Variants in ATP8A1 observed in about 807,000 individuals in gnomAD.
The protein encoded by ATP8A1 is phospholipid-transporting ATPase IA.
In ATP8A1, 90 loss-of-function variants were observed where a neutral mutation model predicts 177.7. The ratio of observed to expected loss-of-function variants is 0.51; its 90% CI spans 0.43 to 0.60. ATP8A1 has a LOEUF of 0.60. Among genes scored for constraint, ATP8A1 ranks in the 20% least tolerant of loss-of-function variants. The pLI, the probability that ATP8A1 is intolerant of heterozygous loss-of-function variation, is 0.00. For synonymous variants in ATP8A1, 493 were observed against 485.9 expected (o/e 1.01, Z -0.19); for missense variants, 1,072 against 1,392.8 (o/e 0.77, Z 3.67).
At chr4:42,583,454 G>A (rs4861204) in intron 9 of ATP8A1, among the ~76,000 whole-genome samples, 146,244 of 152,244 alleles carry the variant, frequency 0.96, 70,484 homozygotes, top group South Asian at 1. Flanking sequence ...TGGGACACAC[G>A]TGTGACAACT....
intron 27 of ATP8A1, among the ~76,000 whole-genome samples, chr4:42,459,073 C>T (rs1353200768): frequency 6.6e-6 from 1 of 152,208 alleles, no homozygotes. Flanking sequence ...TTTAAAAGGT[C>T]ATTACCAAGA....
chr4:42,469,958 T>C (rs1011959374), intron 25 of ATP8A1, among the ~76,000 whole-genome samples: 11 of 152,334 alleles, frequency 7.2e-5, no homozygotes, highest in Admixed American at 5.2e-4. Context: ...CAAATGCCAA[T>C]AGTGACTCAA....
At chr4:42,432,044 G>A (rs948174884) in intron 33 of ATP8A1, among the ~76,000 whole-genome samples, 3 of 152,000 alleles carry the variant, frequency 2.0e-5, no homozygotes, top group Admixed American at 6.6e-5. Context: ...GTATCTCTTC[G>A]GAGAAGGTGC....
At chr4:42,435,459 AAAAAC>A (rs1715862720) in intron 33 of ATP8A1, among the ~76,000 whole-genome samples, 2 of 103,280 alleles carry the variant, frequency 1.9e-5, no homozygotes, top group African/African-American at 3.3e-5. Context: ...ACAAAAAAAA[AAAAAC>A]AAACTATCTC....
intron 20 of ATP8A1, among the ~76,000 whole-genome samples, chr4:42,530,444 A>G (rs1727148212): frequency 6.6e-6 from 1 of 152,204 alleles, no homozygotes; most frequent in South Asian, 2.1e-4. Context: ...CAAGACTACC[A>G]TCTGTGGACT....
intron 33 of ATP8A1, among the ~76,000 whole-genome samples, chr4:42,428,080 A>G (rs1714831492): frequency 6.6e-6 from 1 of 152,246 alleles, no homozygotes; most frequent in Admixed American, 6.5e-5. Flanking sequence ...GATTGTAATT[A>G]TCAGAAGACT....
intron 1 of ATP8A1, among the ~76,000 whole-genome samples, chr4:42,645,471 T>A (rs1309523472): frequency 6.6e-6 from 1 of 152,206 alleles, no homozygotes; most frequent in African/African-American, 2.4e-5. Flanking sequence ...TCAATACCAC[T>A]GCACATGAGA....
intron 33 of ATP8A1, among the ~76,000 whole-genome samples, chr4:42,426,039 C>T (rs550889754): frequency 2.6e-5 from 4 of 152,328 alleles, no homozygotes; most frequent in Non-Finnish European, 5.9e-5. Context: ...AATAAACCAA[C>T]GCTGCCTGAA....
intron 17 of ATP8A1, among the ~76,000 whole-genome samples, chr4:42,551,653 T>C (rs1409514355): frequency 2.0e-5 from 3 of 152,212 alleles, no homozygotes; most frequent in African/African-American, 7.2e-5. Flanking sequence ...TCCTAAAATG[T>C]TGAGTCTAGA....
chr4:42,507,729 CAAAAAAAAAAAAAAA>C (rs34269384), intron 22 of ATP8A1, among the ~76,000 whole-genome samples: 1,162 of 8,940 alleles, frequency 0.13, 55 homozygotes, highest in African/African-American at 0.27. Flanking sequence ...GACTCCATCT[CAAAAAAAAAAAAAAA>C]AAAAAAAAAA....
At chr4:42,648,818 T>C (rs1467408268) in intron 1 of ATP8A1, among the ~76,000 whole-genome samples, 1 of 152,098 alleles carries the variant, frequency 6.6e-6, no homozygotes, top group Non-Finnish European at 1.5e-5. Flanking sequence ...AATCACTACA[T>C]TTACCAAAAT....
intron 5 of ATP8A1, among the ~76,000 whole-genome samples, chr4:42,601,013 G>C (rs957360559): frequency 2.1e-5 from 3 of 143,508 alleles, no homozygotes; most frequent in South Asian, 4.4e-4. Flanking sequence ...GCGACAAAAA[G>C]CAAAAACAAC....
intron 25 of ATP8A1, among the ~76,000 whole-genome samples, chr4:42,480,331 AAGTGTATTC>A (rs1456995755): frequency 6.6e-6 from 1 of 152,166 alleles, no homozygotes; most frequent in African/African-American, 2.4e-5. Flanking sequence ...TGAAGTTATA[AAGTGTATTC>A]AGTGTGTCCT....
chr4:42,536,444 C>T (rs959886528), intron 20 of ATP8A1, among the ~76,000 whole-genome samples: 16 of 152,048 alleles, frequency 1.1e-4, no homozygotes, highest in Admixed American at 1.0e-3. Context: ...AGCAGCAAGA[C>T]TGAAATGGTA....
intron 20 of ATP8A1, among the ~76,000 whole-genome samples, chr4:42,527,238 T>C (rs1726769813): frequency 6.6e-6 from 1 of 152,142 alleles, no homozygotes; most frequent in Admixed American, 6.5e-5. Flanking sequence ...CAAGCTGTTA[T>C]CATGCGAATG....
chr4:42,558,290 A>G lies in ATP8A1; in HGVS notation c.1341-2250T>C, dbSNP rs147416175. 2.1e-3 allele frequency among the ~76,000 whole-genome samples: 321 copies of G among 152,330 alleles called. 3 individuals carry two copies. Among genetic ancestry groups the G allele is most frequent in the African/African-American group, 6.5e-3 (272 of 41,586 alleles). On this transcript the variant is annotated intron_variant, in intron 15 of 36. Coordinates refer to ENST00000381668, the MANE Select transcript of ATP8A1 (RefSeq NM_006095.2). ...GTTAGTCAAACTTTCACAAATAAAAATGCAAGCCAACATCAACATTTGGTT... is the reference window on the plus strand; with the variant it reads ...GTTAGTCAAACTTTCACAAATAAAAGTGCAAGCCAACATCAACATTTGGTT...
chr4:42,604,133 C>A (rs948261525), intron 5 of ATP8A1, among the ~76,000 whole-genome samples: 1 of 152,078 alleles, frequency 6.6e-6, no homozygotes, highest in Non-Finnish European at 1.5e-5. Context: ...AATTCTCTTT[C>A]CCTCCATCCT....
chr4:42,512,065 T>C (rs1351229079), intron 22 of ATP8A1, among the ~76,000 whole-genome samples: 2 of 152,152 alleles, frequency 1.3e-5, no homozygotes, highest in South Asian at 4.1e-4. Context: ...ATTTCACGGA[T>C]AGAAAAATTG....
chr4:42,493,588 C>T (rs1007381997), intron 24 of ATP8A1, among the ~76,000 whole-genome samples: 4 of 151,864 alleles, frequency 2.6e-5, no homozygotes, highest in Non-Finnish European at 4.4e-5. Flanking sequence ...TTTCAATGTA[C>T]CTCCTCATGA....
Sources: gnomAD v4.1 joint callset for allele counts (sites outside exome capture counted in the v4.1 genomes callset) on GRCh38, gnomAD v4.1.1 for gene constraint, MANE v1.5 for transcripts, NCBI Gene and HGNC (gene_info 2026-07-23, HGNC 2026-07-21) for gene names.